SLC20A2: variants seen among roughly 807,000 people sequenced by gnomAD.
The protein encoded by SLC20A2 is sodium-dependent phosphate transporter 2.
A neutral mutation model predicts 61.0 loss-of-function variants in SLC20A2; 30 were observed. The observed-to-expected ratio is 0.49, with a 90% CI of 0.37 to 0.67. The LOEUF (loss-of-function observed/expected upper bound fraction) is 0.67, where lower values mean the gene tolerates loss of function less well. Among genes scored for constraint, SLC20A2 ranks in the 30% least tolerant of loss-of-function variants. The probability of loss-of-function intolerance (pLI) is 0.00; values close to 1 mark genes in which losing one functional copy is unlikely to be tolerated. For missense variants in SLC20A2, 626 were observed against 866.4 expected (o/e 0.72, Z 3.48); for synonymous variants, 351 against 353.3 (o/e 0.99, Z 0.07).
intron 1 of SLC20A2, among the ~76,000 whole-genome samples, chr8:42,533,654 C>CTTTTTTTCTTTTTTTTCTTTTTTTTTT (rs1253260874): frequency 1.8e-5 from 1 of 55,310 alleles, no homozygotes; most frequent in Non-Finnish European, 3.3e-5. Flanking sequence ...ATCAACTGTT[C>CTTTTTTTCTTTTTTTTCTTTTTTTTTT]TTTTTTTTTT....
At chr8:42,470,279 A>G (rs1390201469) in intron 2 of SLC20A2, among the ~76,000 whole-genome samples, 3 of 148,194 alleles carry the variant, frequency 2.0e-5, no homozygotes, top group African/African-American at 7.5e-5. Context: ...GTGCAGTGGC[A>G]CAATCACAAC....
chr8:42,528,134 G>C lies in SLC20A2; in HGVS notation c.-265+13687C>G, dbSNP rs573666438. ...ATTTTGGAAAAGGTGTATACCACAG[G>C]ATATTGATAGAGTACTCCTTAGCTC... On this transcript the variant is annotated intron_variant, in intron 1 of 10. Transcript: ENST00000342228. Among the ~76,000 whole-genome samples the C allele has an allele frequency of 4.6e-5, 7 of 152,206 alleles. No individual in the cohort carries two copies. The East Asian group carries it at 1.2e-3, about 25-fold the overall frequency.
chr8:42,529,439 T>C (rs1812192680), intron 1 of SLC20A2, among the ~76,000 whole-genome samples: 1 of 152,208 alleles, frequency 6.6e-6, no homozygotes, highest in Non-Finnish European at 1.5e-5. Flanking sequence ...TATCACATCA[T>C]TTTATTAGAA....
intron 10 of SLC20A2, among the ~76,000 whole-genome samples, chr8:42,424,330 G>A (rs534633166): frequency 1.3e-5 from 2 of 150,604 alleles, no homozygotes; most frequent in East Asian, 2.0e-4. Context: ...TGGGGGGTGC[G>A]GGGGGGGATA....
intron 1 of SLC20A2, among the ~76,000 whole-genome samples, chr8:42,489,196 C>T (rs1809310569): frequency 1.3e-5 from 2 of 152,164 alleles, no homozygotes; most frequent in South Asian, 4.1e-4. Flanking sequence ...GCTTCGGCCT[C>T]CCAAAGTGCT....
intron 8 of SLC20A2, among the ~76,000 whole-genome samples, chr8:42,430,728 C>T (rs1803799379): frequency 6.6e-6 from 1 of 152,160 alleles, no homozygotes; most frequent in South Asian, 2.1e-4. Flanking sequence ...TCCGCTGGAG[C>T]GACTTTCCAG....
intron 1 of SLC20A2, among the ~76,000 whole-genome samples, chr8:42,500,319 A>G (rs577541733): frequency 2.1e-4 from 32 of 152,356 alleles, no homozygotes; most frequent in Non-Finnish European, 4.1e-4. Flanking sequence ...TAAAATATTC[A>G]ATATCAAAAT....
At chr8:42,496,999 A>G (rs1809979311) in intron 1 of SLC20A2, among the ~76,000 whole-genome samples, 1 of 152,250 alleles carries the variant, frequency 6.6e-6, no homozygotes, top group Non-Finnish European at 1.5e-5. Context: ...CTGATAAAAT[A>G]CAGTAGATCC....
At chr8:42,455,516 C>T (rs1293993204) in intron 5 of SLC20A2, among the ~76,000 whole-genome samples, 4 of 151,506 alleles carry the variant, frequency 2.6e-5, no homozygotes, top group Admixed American at 6.6e-5. Flanking sequence ...AAAAATTAGC[C>T]GGGTGTGGTG....
At chr8:42,540,079 G>A (rs989628390) in intron 1 of SLC20A2, among the ~76,000 whole-genome samples, 1 of 152,144 alleles carries the variant, frequency 6.6e-6, no homozygotes, top group Non-Finnish European at 1.5e-5. Flanking sequence ...AACACCTGAG[G>A]TCTGGAGTTC....
intron 1 of SLC20A2, among the ~76,000 whole-genome samples, chr8:42,487,562 T>C (rs1809133972): frequency 6.6e-6 from 1 of 152,174 alleles, no homozygotes. Flanking sequence ...GTGGCCCACA[T>C]TTCTCTGGCT....
intron 1 of SLC20A2, among the ~76,000 whole-genome samples, chr8:42,537,207 G>C (rs1812762280): frequency 6.6e-6 from 1 of 151,852 alleles, no homozygotes; most frequent in Non-Finnish European, 1.5e-5. Flanking sequence ...AGTATAGTGA[G>C]ACCTCATCTT....
chr8:42,456,992 C>T (rs1212727056), intron 5 of SLC20A2, among the ~76,000 whole-genome samples: 6 of 151,760 alleles, frequency 4.0e-5, no homozygotes, highest in Admixed American at 1.3e-4. Context: ...GGCGGGATCT[C>T]GGCTCACTGC....
At chr8:42,510,569 T>C (rs1476960054) in intron 1 of SLC20A2, among the ~76,000 whole-genome samples, 1 of 152,254 alleles carries the variant, frequency 6.6e-6, no homozygotes, top group Non-Finnish European at 1.5e-5. Flanking sequence ...CATTCAAGTC[T>C]GTTTCAAAAG....
At chr8:42,442,746 T>C (rs1804877367) in intron 6 of SLC20A2, among the ~76,000 whole-genome samples, 1 of 152,234 alleles carries the variant, frequency 6.6e-6, no homozygotes, top group South Asian at 2.1e-4. Flanking sequence ...GGGATTTCTA[T>C]TTAAATTGTC....
intron 5 of SLC20A2, among the ~76,000 whole-genome samples, chr8:42,458,185 C>T (rs1040498348): frequency 1.3e-5 from 2 of 152,094 alleles, no homozygotes; most frequent in Admixed American, 1.3e-4. Flanking sequence ...CTGTAGGAGG[C>T]GCATCTCACA....
intron 1 of SLC20A2, among the ~76,000 whole-genome samples, chr8:42,528,956 C>A (rs999737113): frequency 1.4e-5 from 2 of 140,608 alleles, no homozygotes; most frequent in Non-Finnish European, 3.1e-5. Flanking sequence ...CATGAGCCAC[C>A]GAGCCCGGCC....
intron 3 of SLC20A2, among the ~76,000 whole-genome samples, chr8:42,464,092 C>CTTTGTTTTTTTTTTTTTTTTTTTTTTT (rs1806933720): frequency 4.9e-5 from 1 of 20,540 alleles, no homozygotes. Context: ...GCTGGATGAT[C>CTTTGTTTTTTTTTTTTTTTTTTTTTTT]TTTTTTTTTT....
In SLC20A2 at chr8:42,443,308, T is replaced by TATAA. The variant is rs1554551088; in HGVS notation, c.730+1337_730+1338insTTAT. Among the ~76,000 whole-genome samples the TATAA allele has an allele frequency of 4.2e-5, 5 of 117,752 alleles. No individual in the cohort carries two copies. In the East Asian group the frequency reaches 7.7e-4, roughly 18 times the overall value. 77.2% of individuals were successfully genotyped at this position (117,752 alleles called of 152,430 possible). A position where few individuals can be genotyped will look rare whatever the true frequency, so the allele number is the denominator to read the frequency against. The stretch of plus-strand genomic sequence containing the variant: ...ATATATATATATATATATATATATA[T>TATAA]AATAAAATGTATACTTTTTTTTTTG... On this transcript the variant is annotated intron_variant, in intron 6 of 10. Coordinates refer to ENST00000520262, the MANE Select transcript of SLC20A2 (RefSeq NM_001257180.2).
Sources: gnomAD v4.1 joint callset for allele counts (sites outside exome capture counted in the v4.1 genomes callset) on GRCh38, gnomAD v4.1.1 for gene constraint, MANE v1.5 for transcripts, NCBI Gene and HGNC (gene_info 2026-07-23, HGNC 2026-07-21) for gene names.